The following KLRG2 variants were observed in gnomAD, a reference collection of about 807,000 sequenced individuals.
KLRG2 encodes the protein killer cell lectin like receptor G2, also known as killer cell lectin-like receptor subfamily G member 2.
In KLRG2, 39 loss-of-function variants were observed where a neutral mutation model predicts 35.4. That is an observed-to-expected ratio of 1.10 (90% CI 0.85 to 1.44). The LOEUF (loss-of-function observed/expected upper bound fraction) is 1.44. Among genes scored for constraint, KLRG2 ranks in the 40% most tolerant of loss-of-function variants. The pLI is 0.00. For synonymous variants in KLRG2, 283 were observed against 265.8 expected (o/e 1.06, Z -0.63); for missense variants, 632 against 570.9 (o/e 1.11, Z -1.09).
At chr7:139,455,533 A>G (rs543102183) in intron 3 of KLRG2, among the ~76,000 whole-genome samples, 14 of 151,518 alleles carry the variant, frequency 9.2e-5, no homozygotes, top group African/African-American at 2.2e-4. Context: ...GTGTTAGCCA[A>G]GATGGTCTCG....
the KLRG2 span, among the ~76,000 whole-genome samples, chr7:139,431,029 A>G: frequency 6.6e-6 from 1 of 151,806 alleles, no homozygotes; most frequent in Non-Finnish European, 1.5e-5. Flanking sequence ...AAAAAAAAAA[A>G]AGGTTAAATT....
intron 3 of KLRG2, among the ~76,000 whole-genome samples, chr7:139,463,167 A>G (rs1362309970): frequency 1.3e-5 from 2 of 152,186 alleles, no homozygotes; most frequent in Admixed American, 1.3e-4. Context: ...TTTTTCATCA[A>G]ATAGAAAAAC....
intron 3 of KLRG2, among the ~76,000 whole-genome samples, chr7:139,458,908 C>G (rs1161361815): frequency 6.6e-6 from 1 of 152,230 alleles, no homozygotes. Flanking sequence ...TTTGTGCGCG[C>G]TGCTTCTGCG....
At chr7:139,468,088 T>G (rs2116456499) in intron 3 of KLRG2, among the ~76,000 whole-genome samples, 1 of 152,316 alleles carries the variant, frequency 6.6e-6, no homozygotes, top group South Asian at 2.1e-4. Context: ...TCCTTTACCT[T>G]GTCTATGAGG....
rs145616706 is a variant in KLRG2 at position 139,463,136 on chromosome 7, A to G, written c.1006-8922T>C. 3.2e-3 allele frequency among the ~76,000 whole-genome samples: 481 copies of G among 152,226 alleles called. 4 individuals carry two copies. Among genetic ancestry groups the G allele is most frequent in the Middle Eastern group, 0.014 (4 of 294 alleles). ...GTTTTTCTTTATCCGACCTCTCCCA[A>G]ATCAGTTAGCGTTTAGGCTCTTTTT... is the stretch of plus-strand genomic sequence containing the variant. On this transcript the variant is annotated intron_variant, in intron 3 of 4. Transcript: ENST00000340940.
At chr7:139,428,451 A>T in the KLRG2 span, among the ~76,000 whole-genome samples, 1 of 151,978 alleles carries the variant, frequency 6.6e-6, no homozygotes, top group African/African-American at 2.4e-5. Context: ...CAGAGATGGG[A>T]TCACACTATG....
intron 3 of KLRG2, 72 bp from the exon 4 acceptor site, chr7:139,454,286 G>GT: frequency 1.3e-6 from 1 of 753,356 alleles, no homozygotes; most frequent in Non-Finnish European, 2.2e-6. Context: ...CGGATTCCCT[G>GT]GGGCTTCCAC....
intron 3 of KLRG2, among the ~76,000 whole-genome samples, chr7:139,459,569 A>G (rs2116437014): frequency 6.6e-6 from 1 of 152,190 alleles, no homozygotes; most frequent in East Asian, 1.9e-4. Flanking sequence ...CAACGCCAAC[A>G]CCTCAGGGCC....
chr7:139,470,497 G>T (rs531398338), intron 3 of KLRG2, among the ~76,000 whole-genome samples: 1 of 152,234 alleles, frequency 6.6e-6, no homozygotes, highest in Admixed American at 6.5e-5. Flanking sequence ...ACAAAAGTTA[G>T]AAAAACAGAA....
intron 3 of KLRG2, among the ~76,000 whole-genome samples, chr7:139,478,395 C>T (rs1273326404): frequency 1.4e-5 from 2 of 146,520 alleles, no homozygotes; most frequent in Non-Finnish European, 3.0e-5. Context: ...CAACACTGGA[C>T]GCAGTGGCTC....
At chr7:139,480,788 G>C (rs981324780) in intron 1 of KLRG2, among the ~76,000 whole-genome samples, 3 of 143,002 alleles carry the variant, frequency 2.1e-5, no homozygotes, top group African/African-American at 7.8e-5. Flanking sequence ...CTATCGCCCA[G>C]GCTGGAGTGC....
rs1427243381 is a variant in KLRG2, at chr7:139,483,263, T to A, written c.380A>T (p.Asp127Val). 29 of 1,560,666 alleles carry A rather than the reference T, an allele frequency of 1.9e-5. No homozygotes were observed. Among genetic ancestry groups the A allele is most frequent in the Non-Finnish European group, 2.0e-5 (23 of 1,164,742 alleles). The change falls in exon 1 of 5, where the codon GAT (aspartate) becomes GTT (valine). Residue 127 changes from aspartate to valine, a missense_variant. Transcript: ENST00000340940. ...SAWAPMELQV[D>V]VRVKPVGAAG... ...CGCGCCCACGGGCTTCACGCGCACA[T>A]CTACCTGCAGCTCCATGGGCGCCCA...
the KLRG2 span, among the ~76,000 whole-genome samples, chr7:139,436,651 C>T: frequency 6.6e-6 from 1 of 152,224 alleles, no homozygotes; most frequent in Admixed American, 6.5e-5. Context: ...CAGTCCCAAG[C>T]CCAGTTGTAT....
At chr7:139,431,652 T>TA in the KLRG2 span, among the ~76,000 whole-genome samples, 2 of 152,184 alleles carry the variant, frequency 1.3e-5, no homozygotes, top group South Asian at 4.1e-4. Context: ...AAAGCTCCAC[T>TA]ACATAAGCTG....
the KLRG2 span, among the ~76,000 whole-genome samples, chr7:139,433,759 C>T: frequency 6.6e-6 from 1 of 151,888 alleles, no homozygotes; most frequent in African/African-American, 2.4e-5. Flanking sequence ...CCTCAGCCTC[C>T]TGAATAGCCG....
downstream of KLRG2, among the ~76,000 whole-genome samples, chr7:139,450,368 C>A (rs529077379): frequency 6.6e-6 from 1 of 152,154 alleles, no homozygotes; most frequent in East Asian, 1.9e-4. Flanking sequence ...GGACTACAGG[C>A]GCCTGCCACC....
At chr7:139,427,797 C>T in the KLRG2 span, among the ~76,000 whole-genome samples, 3 of 152,126 alleles carry the variant, frequency 2.0e-5, no homozygotes, top group South Asian at 2.1e-4. Context: ...AGACGATGCC[C>T]GATGAATGTG....
At chr7:139,441,730 GC>G in the KLRG2 span, among the ~76,000 whole-genome samples, 1 of 152,082 alleles carries the variant, frequency 6.6e-6, no homozygotes, top group Non-Finnish European at 1.5e-5. Context: ...TCAAGATTGT[GC>G]CATTGCACTG....
chr7:139,427,924 C>A, the KLRG2 span, among the ~76,000 whole-genome samples: 1 of 152,154 alleles, frequency 6.6e-6, no homozygotes. Context: ...CACCATCATG[C>A]CCGTTTTTCG....
Sources: gnomAD v4.1 joint callset for allele counts (sites outside exome capture counted in the v4.1 genomes callset) on GRCh38, gnomAD v4.1.1 for gene constraint, MANE v1.5 for transcripts, NCBI Gene and HGNC (gene_info 2026-07-23, HGNC 2026-07-21) for gene names.